The following SGMS1 variants were observed in gnomAD, a reference collection of about 807,000 sequenced individuals.
SGMS1 encodes the protein sphingomyelin synthase 1, also known as phosphatidylcholine:ceramide cholinephosphotransferase 1.
SGMS1 carries 13 observed loss-of-function variants against 46.2 expected under a neutral mutation model. The ratio of observed to expected loss-of-function variants is 0.28; its 90% CI spans 0.18 to 0.45. SGMS1 has a LOEUF of 0.45. SGMS1 is among the 20% of genes least tolerant of loss of function. SGMS1 has a pLI of 1.00. For missense variants in SGMS1, 324 were observed against 519.9 expected (o/e 0.62, Z 3.66); for synonymous variants, 203 against 187.8 (o/e 1.08, Z -0.66).
chr10:50,491,349 T>C (rs1318530794), intron 3 of SGMS1, among the ~76,000 whole-genome samples: 1 of 152,106 alleles, frequency 6.6e-6, no homozygotes, highest in Non-Finnish European at 1.5e-5. Flanking sequence ...TGAAACCTTT[T>C]CTCTTAAAAA....
chr10:50,350,352 G>A (rs1341802314), intron 6 of SGMS1, among the ~76,000 whole-genome samples: 1 of 152,122 alleles, frequency 6.6e-6, no homozygotes, highest in Non-Finnish European at 1.5e-5. Context: ...GTTTGATAAG[G>A]GAAAATCTGC....
At chr10:50,497,979 T>A (rs1837629753) in intron 3 of SGMS1, among the ~76,000 whole-genome samples, 1 of 152,228 alleles carries the variant, frequency 6.6e-6, no homozygotes. Flanking sequence ...CCTCTCAGGC[T>A]GAGAAAGCTG....
chr10:50,438,501 T>C (rs1849502529), intron 5 of SGMS1, among the ~76,000 whole-genome samples: 1 of 152,198 alleles, frequency 6.6e-6, no homozygotes, highest in South Asian at 2.1e-4. Context: ...CCATCCAGCC[T>C]CAGGTAAGAC....
At chr10:50,444,339 CTT>C (rs1195979309) in intron 5 of SGMS1, among the ~76,000 whole-genome samples, 2 of 152,116 alleles carry the variant, frequency 1.3e-5, no homozygotes, top group African/African-American at 4.8e-5. Flanking sequence ...AGACTACAGA[CTT>C]ATATCCCTCA....
chr10:50,605,079 C>T (rs12358192), intron 1 of SGMS1, among the ~76,000 whole-genome samples: 59,741 of 152,056 alleles, frequency 0.39, 12,214 homozygotes, highest in African/African-American at 0.47. Flanking sequence ...ATTTCAATTT[C>T]CTACATCTCC....
chr10:50,361,160 T>G (rs1046112200), intron 6 of SGMS1, among the ~76,000 whole-genome samples: 3 of 152,234 alleles, frequency 2.0e-5, no homozygotes, highest in Admixed American at 2.0e-4. Context: ...GAAAAAGTTC[T>G]GATCCTTCTT....
intron 1 of SGMS1, among the ~76,000 whole-genome samples, chr10:50,602,200 T>C (rs1432729532): frequency 6.6e-6 from 1 of 152,214 alleles, no homozygotes; most frequent in Non-Finnish European, 1.5e-5. Context: ...GAGCTGTCAA[T>C]CAATGATCCT....
chr10:50,415,376 C>T (rs1185368931), intron 6 of SGMS1, among the ~76,000 whole-genome samples: 1 of 152,100 alleles, frequency 6.6e-6, no homozygotes. Context: ...TCGAATTTAC[C>T]ATTTCCCCAT....
intron 2 of SGMS1, among the ~76,000 whole-genome samples, chr10:50,544,428 C>T (rs1009335653): frequency 3.3e-5 from 5 of 152,216 alleles, no homozygotes; most frequent in African/African-American, 9.6e-5. Context: ...TATCTTGCTT[C>T]GGTGAAGGCA....
chr10:50,372,242 T>A (rs1449659078), intron 6 of SGMS1, among the ~76,000 whole-genome samples: 1 of 152,238 alleles, frequency 6.6e-6, no homozygotes, highest in East Asian at 1.9e-4. Flanking sequence ...CGTTTGATCA[T>A]AACATACTTA....
intron 3 of SGMS1, among the ~76,000 whole-genome samples, chr10:50,476,650 A>C (rs963399688): frequency 6.6e-5 from 10 of 152,122 alleles, no homozygotes; most frequent in Non-Finnish European, 1.3e-4. Context: ...AGGAGGGAAA[A>C]ATACTTTTGT....
intron 8 of SGMS1, among the ~76,000 whole-genome samples, 154 bp downstream of exon 8, chr10:50,327,051 G>A (rs961341266): frequency 6.6e-6 from 1 of 152,128 alleles, no homozygotes; most frequent in Middle Eastern, 3.2e-3. Flanking sequence ...TGGGAAGGGT[G>A]GGGCTGCCTG....
At chr10:50,493,138 A>G (rs1343260900) in intron 3 of SGMS1, among the ~76,000 whole-genome samples, 1 of 152,214 alleles carries the variant, frequency 6.6e-6, no homozygotes, top group Non-Finnish European at 1.5e-5. Context: ...AAAGAAACAG[A>G]ATAGAGAACC....
At chr10:50,595,236 C>T (rs1838579382) in intron 1 of SGMS1, among the ~76,000 whole-genome samples, 2 of 151,826 alleles carry the variant, frequency 1.3e-5, no homozygotes, top group South Asian at 4.2e-4. Context: ...AGTGCAGTAG[C>T]ACGATCTCGG....
rs1838528120 is a variant in SGMS1 at position 50,590,263 on chromosome 10, A to G, written c.-683-16T>C. 1 of 152,382 alleles carries G rather than the reference A, an allele frequency of 6.6e-6. No individual in the cohort carries two copies. Among genetic ancestry groups the G allele is most frequent in the South Asian group, 2.1e-4 (1 of 4,834 alleles). 9.4% of individuals were successfully genotyped at this position (152,382 alleles called of 1,614,324 possible). A position where few individuals can be genotyped will look rare whatever the true frequency, so the allele number is the denominator to read the frequency against. ...TGTCGTCACGCTGCAAGAATAAGCA[A>G]AGCAACATGCGTGTTATCACCAAGA... On this transcript the variant is annotated splice_polypyrimidine_tract_variant and intron_variant, in intron 1 of 10. Transcript: ENST00000361781.
chr10:50,306,169 A>T lies in SGMS1; in HGVS notation c.*973T>A, dbSNP rs1356473010. Reference sequence around the variant, plus strand: ...GACGATAAAATAATTTAAGTGGTACATGTCATTGCTACCTGATCACAATAT... The same window carrying T: ...GACGATAAAATAATTTAAGTGGTACTTGTCATTGCTACCTGATCACAATAT... On this transcript the variant is annotated 3_prime_UTR_variant, in exon 11 of 11. Coordinates refer to ENST00000361781, the MANE Select transcript of SGMS1 (RefSeq NM_147156.4). 6.5e-6 allele frequency: 1 copy of T among 152,684 alleles called. No individual in the cohort carries two copies. Among genetic ancestry groups the T allele is most frequent in the East Asian group, 1.9e-4 (1 of 5,340 alleles). 9.5% of individuals were successfully genotyped at this position (152,684 alleles called of 1,614,324 possible). A position where few individuals can be genotyped will look rare whatever the true frequency, so the allele number is the denominator to read the frequency against.
Position 50,343,930 on chromosome 10 carries a change from T to C in SGMS1, c.185A>G (p.Asp62Gly). 6.2e-7 allele frequency: 1 copy of C among 1,613,986 alleles called. No individual in the cohort carries two copies. The highest frequency in any genetic ancestry group is 8.5e-7 in the Non-Finnish European group (1 of 1,179,884). The change falls in exon 7 of 11, where the codon GAC becomes GGC. Residue 62 changes from aspartate (D) to glycine (G), a missense_variant. Physicochemically the swap from Asp to Gly is moderately conservative, Grantham distance 94. Coordinates refer to ENST00000361781, the MANE Select transcript of SGMS1 (RefSeq NM_147156.4). ...VSSDNGQRLL[D>G]MIETLKMEHH... The stretch of plus-strand genomic sequence containing the variant: ...CTCCATTTTCAGGGTTTCTATCATG[T>C]CCAGGAGCCGCTGCCCATTGTCAGA...
At chr10:50,353,557 C>G (rs1238663385) in intron 6 of SGMS1, among the ~76,000 whole-genome samples, 411 of 152,050 alleles carry the variant, frequency 2.7e-3, no homozygotes, top group Middle Eastern at 0.01. Context: ...CTCACCACTC[C>G]TATTCAACAT....
chr10:50,383,000 A>G (rs1158180339), intron 6 of SGMS1, among the ~76,000 whole-genome samples: 1 of 152,246 alleles, frequency 6.6e-6, no homozygotes. Flanking sequence ...TATTAACTTC[A>G]GGAGTCATAA....
Sources: allele counts gnomAD v4.1 joint callset (sites outside exome capture counted in the v4.1 genomes callset), GRCh38; gene constraint gnomAD v4.1.1; transcripts MANE v1.5; gene names NCBI Gene and HGNC (gene_info 2026-07-23, HGNC 2026-07-21).